The following SCN3A variants were observed in gnomAD, a reference collection of about 807,000 sequenced individuals.
SCN3A encodes sodium channel protein type 3 subunit alpha.
A neutral mutation model predicts 187.6 loss-of-function variants in SCN3A; 60 were observed. The ratio of observed to expected loss-of-function variants is 0.32; its 90% CI spans 0.26 to 0.40. The LOEUF is 0.40. SCN3A is among the 10% of genes least tolerant of loss of function. The pLI is 1.00. For missense variants in SCN3A, 1,601 were observed against 2,428.2 expected (o/e 0.66, Z 7.16); for synonymous variants, 788 against 829.2 (o/e 0.95, Z 0.85).
At chr2:165,181,818 A>G (rs1343344291) in intron 2 of SCN3A, among the ~76,000 whole-genome samples, 1 of 152,338 alleles carries the variant, frequency 6.6e-6, no homozygotes, top group African/African-American at 2.4e-5. Flanking sequence ...GACAACTAGG[A>G]CACTTCAGTA....
chr2:165,154,534 G>T lies in SCN3A; in HGVS notation c.1298C>A (p.Ala433Asp). ...VAMAYEEQNQ[A>D]TLEEAEQKEA... Reference sequence around the variant, plus strand: ...TTTTTGTTCTGCTTCTTCCAAGGTGGCCTGATTCTGCTCCTCATAGGCCAT... The same window carrying T: ...TTTTTGTTCTGCTTCTTCCAAGGTGTCCTGATTCTGCTCCTCATAGGCCAT... The change falls in exon 11 of 28, where the codon GCC becomes GAC. Residue 433 changes from alanine to aspartate, a missense_variant. This residue lies in a region of SCN3A where 376 missense variants were observed against 476.0 expected (regional missense o/e 0.79). Coordinates refer to ENST00000283254, the MANE Select transcript of SCN3A (RefSeq NM_006922.4). The T allele has an allele frequency of 6.2e-7, 1 of 1,614,006 alleles. No homozygotes were observed.
intron 1 of SCN3A, among the ~76,000 whole-genome samples, chr2:165,194,436 T>C (rs754360434): frequency 5.3e-5 from 8 of 152,154 alleles, no homozygotes; most frequent in Non-Finnish European, 1.2e-4. Flanking sequence ...CTAAACCTTA[T>C]ATAAATCATG....
intron 3 of SCN3A, among the ~76,000 whole-genome samples, chr2:165,172,054 G>A (rs968474609): frequency 1.3e-5 from 2 of 152,128 alleles, no homozygotes; most frequent in Admixed American, 6.6e-5. Flanking sequence ...CTTTGTTTGA[G>A]TAGGTAGACA....
intron 11 of SCN3A, among the ~76,000 whole-genome samples, chr2:165,148,024 TA>T (rs1320085064): frequency 6.6e-6 from 1 of 152,166 alleles, no homozygotes; most frequent in Non-Finnish European, 1.5e-5. Context: ...ATGTCATCAC[TA>T]AATACAAACA....
Position 165,164,430 on chromosome 2 carries a change from A to T in SCN3A, c.564T>A (p.Asp188Glu). 1.9e-6 allele frequency: 3 copies of T among 1,613,868 alleles called. No homozygotes were observed. Among genetic ancestry groups the T allele is most frequent in the South Asian group, 1.1e-5 (1 of 91,074 alleles). Residue 188 changes from aspartate (D) to glutamate (E), a missense_variant, in exon 6 of 28, where the codon GAT (aspartate) becomes GAA (glutamate). Coordinates refer to ENST00000283254, the MANE Select transcript of SCN3A (RefSeq NM_006922.4). The stretch of plus-strand genomic sequence containing the variant: ...CACTGAAATCCAGCCAGTTCCATGG[A>T]TCACGAAGAAACGTAAAATCTTCTA... ...FCLEDFTFLRDPWNWLDFSVI... is the reference protein window; with the variant it reads ...FCLEDFTFLREPWNWLDFSVI...
intron 11 of SCN3A, 22 bp downstream of exon 11, chr2:165,154,430 C>A: frequency 1.2e-6 from 2 of 1,606,532 alleles, no homozygotes; most frequent in South Asian, 2.2e-5. Flanking sequence ...AATGATAAAT[C>A]TTTGCTTTTA....
rs1685244592 is a variant in SCN3A, at chr2:165,094,102, C to G, written c.4536+272G>C. 3 of 447,106 alleles carry G rather than the reference C, an allele frequency of 6.7e-6. No individual in the cohort carries two copies. The South Asian group carries it at 7.4e-5, about 11-fold the overall frequency. The allele number at this position is 447,106 out of a possible 1,614,324, so 27.7% of individuals were successfully genotyped here. On this transcript the variant is annotated intron_variant, in intron 26 of 27. Coordinates refer to ENST00000283254, the MANE Select transcript of SCN3A (RefSeq NM_006922.4). ...GAGGAACCAGGTGTGCTGTTGGTAG[C>G]AGGAAAGTGAACCTTGCTTTGGAAG...
chr2:165,093,321 T>A (rs1174424670), intron 26 of SCN3A: 1 of 152,176 alleles, frequency 6.6e-6, no homozygotes, highest in Non-Finnish European at 1.5e-5. Flanking sequence ...TCTCTAGCTC[T>A]GTGAATCTAT....
rs1175751722 is a variant in SCN3A, at chr2:165,153,479, T to C, written c.1380+973A>G. On this transcript the variant is annotated intron_variant, in intron 11 of 27. Transcript: ENST00000283254. ...AAATATTTGAGAAGCATATATGTGA[T>C]ATAGGACTTACATCCCAAAGAGTCA... Among the ~76,000 whole-genome samples, 5 of 152,148 alleles carry C rather than the reference T, an allele frequency of 3.3e-5. No homozygotes were observed. In the East Asian group the frequency reaches 9.7e-4, roughly 29 times the overall value.
At chr2:165,137,433 C>T (rs1369849835) in intron 15 of SCN3A, among the ~76,000 whole-genome samples, 1 of 152,074 alleles carries the variant, frequency 6.6e-6, no homozygotes, top group Non-Finnish European at 1.5e-5. Context: ...GTATGATTAT[C>T]ACTGAAGCTT....
At chr2:165,195,787 G>A (rs1222594728) in intron 1 of SCN3A, among the ~76,000 whole-genome samples, 1 of 152,056 alleles carries the variant, frequency 6.6e-6, no homozygotes, top group African/African-American at 2.4e-5. Flanking sequence ...CCTTACCAAT[G>A]CATAAGAGGG....
chr2:165,154,454 G>T lies in SCN3A; in HGVS notation c.1378C>A (p.Gln460Lys). Residue 460 changes from glutamine (Q) to lysine (K), a missense_variant and splice_region_variant, in exon 11 of 28, where the codon CAG (glutamine) becomes AAG (lysine). Gln to Lys is a moderately conservative substitution (Grantham distance 53). Coordinates refer to ENST00000283254, the MANE Select transcript of SCN3A (RefSeq NM_006922.4). Reference sequence around the variant, plus strand: ...TCTTTGCTTTTATCACTCAGTACCTGAGCTTCTTCCTGTTGCTTTTTAAGC... The same window carrying T: ...TCTTTGCTTTTATCACTCAGTACCTTAGCTTCTTCCTGTTGCTTTTTAAGC... ...EQLKKQQEEAQAVAAASAASR... is the reference protein window; with the variant it reads ...EQLKKQQEEAKAVAAASAASR... 6.2e-7 allele frequency: 1 copy of T among 1,613,840 alleles called. No individual in the cohort carries two copies.
Position 165,097,543 on chromosome 2 carries a change from G to T in SCN3A, c.3967-19C>A, listed in dbSNP as rs1298626151. 2.7e-5 allele frequency: 43 copies of T among 1,612,274 alleles called. No homozygotes were observed. Among genetic ancestry groups the T allele is most frequent in the Non-Finnish European group, 3.6e-5 (42 of 1,179,858 alleles). On this transcript the variant is annotated intron_variant, in intron 22 of 27. Transcript: ENST00000283254. ...CAACCACCTAGAAGAGACAGCGAGG[G>T]GAACATAGCTTACAAACCTTTTGAA... is the stretch of plus-strand genomic sequence containing the variant.
At chr2:165,171,838 C>CT (rs934581201) in intron 3 of SCN3A, among the ~76,000 whole-genome samples, 3 of 152,056 alleles carry the variant, frequency 2.0e-5, no homozygotes, top group African/African-American at 7.2e-5. Context: ...GCATAAAGAG[C>CT]TTGTAATCTA....
At chr2:165,151,997 TA>T (rs1318428630) in intron 11 of SCN3A, among the ~76,000 whole-genome samples, 2 of 152,150 alleles carry the variant, frequency 1.3e-5, no homozygotes, top group Non-Finnish European at 2.9e-5. Context: ...TGGTCCTGCC[TA>T]ACAAATTTTC....
chr2:165,139,492 C>G lies in SCN3A; in HGVS notation c.2136G>C (p.Leu712=). 1.2e-6 allele frequency: 2 copies of G among 1,613,880 alleles called. No individual in the cohort carries two copies. The highest frequency in any genetic ancestry group is 1.7e-6 in the Non-Finnish European group (2 of 1,179,870). Residue 712 remains leucine, a synonymous_variant, in exon 14 of 28, where the codon CTG becomes CTC. Coordinates refer to ENST00000283254, the MANE Select transcript of SCN3A (RefSeq NM_006922.4). The part of the protein sequence containing the change: ...RQRAVSIASI[L]TNTMEELEES... ...GCTTCTTACCTTCCATTGTGTTGGT[C>G]AGAATGCTGGCTATGCTCACGGCTC...
intron 11 of SCN3A, 146 bp downstream of exon 11, chr2:165,154,306 T>A (rs1688878430): frequency 6.7e-6 from 6 of 901,312 alleles, no homozygotes; most frequent in Non-Finnish European, 3.3e-6. Context: ...CAGAAACAAG[T>A]TCATATTTGA....
intron 9 of SCN3A, among the ~76,000 whole-genome samples, 188 bp from the exon 10 acceptor site, chr2:165,156,091 T>C (rs1395670491): frequency 6.6e-6 from 1 of 152,040 alleles, no homozygotes; most frequent in Non-Finnish European, 1.5e-5. Flanking sequence ...GGAAGACCGA[T>C]AGAAAATTTA....
At chr2:165,096,333 A>T in intron 24 of SCN3A, 134 bp downstream of exon 24, 2 of 688,910 alleles carry the variant, frequency 2.9e-6, no homozygotes, top group South Asian at 3.5e-5. Context: ...TCTATATTGA[A>T]GCAGACTGTT....
Sources: allele counts gnomAD v4.1 joint callset (sites outside exome capture counted in the v4.1 genomes callset), GRCh38; gene constraint gnomAD v4.1.1; regional missense constraint gnomAD v4.1.1; transcripts MANE v1.5; gene names NCBI Gene and HGNC (gene_info 2026-07-23, HGNC 2026-07-21).